Variants in TP63 observed in about 807,000 individuals in gnomAD.
TP63 encodes the protein tumor protein p63.
In TP63, 17 loss-of-function variants were observed where a neutral mutation model predicts 82.8. That is an observed-to-expected ratio of 0.21 (90% CI 0.14 to 0.31). TP63 has a LOEUF of 0.31. TP63 is among the 10% of genes least tolerant of loss of function. The pLI, the probability that TP63 is intolerant of heterozygous loss-of-function variation, is 1.00. For missense variants in TP63, 648 were observed against 895.3 expected (o/e 0.72, Z 3.52); for synonymous variants, 330 against 321.7 (o/e 1.03, Z -0.28).
intron 1 of TP63, among the ~76,000 whole-genome samples, chr3:189,720,964 C>T (rs1719346373): frequency 6.6e-6 from 1 of 152,128 alleles, no homozygotes; most frequent in Non-Finnish European, 1.5e-5. Context: ...GGCCAGAGGG[C>T]CTATTCGTAA....
chr3:189,668,488 G>T (rs184182599), intron 1 of TP63, among the ~76,000 whole-genome samples: 1 of 152,114 alleles, frequency 6.6e-6, no homozygotes, highest in Non-Finnish European at 1.5e-5. Flanking sequence ...CAAAAATGCA[G>T]TAACTAAAAT....
chr3:189,868,949 A>C (rs1718073437), intron 8 of TP63, among the ~76,000 whole-genome samples: 1 of 152,244 alleles, frequency 6.6e-6, no homozygotes, highest in Admixed American at 6.5e-5. Flanking sequence ...AGGGATTCTC[A>C]AAATGTGACT....
intron 3 of TP63, among the ~76,000 whole-genome samples, chr3:189,760,401 C>T (rs1722479235): frequency 6.6e-6 from 1 of 152,134 alleles, no homozygotes; most frequent in Admixed American, 6.5e-5. Context: ...GAGAAATTGG[C>T]CAAAACAAAG....
intron 1 of TP63, among the ~76,000 whole-genome samples, chr3:189,727,295 A>G (rs2108778101): frequency 6.6e-6 from 1 of 152,360 alleles, no homozygotes; most frequent in Admixed American, 6.5e-5. Context: ...AGATTCTATA[A>G]TTGAGAAAAG....
In TP63 at chr3:189,837,187, G is replaced by A. The variant is rs985969137; in HGVS notation, c.580-27045G>A. 2.0e-5 allele frequency among the ~76,000 whole-genome samples: 3 copies of A among 150,564 alleles called. No individual in the cohort carries two copies. The East Asian group carries it at 5.8e-4, about 29-fold the overall frequency. ...TTCCCTTCTGCATGCCCTGTCTCCT[G>A]CTACTTCCTCTGTTCAAAACATTTT... On this transcript the variant is annotated intron_variant, in intron 4 of 13. Transcript: ENST00000264731.
chr3:189,771,476 ATAAT>A lies in TP63; in HGVS notation c.324+32708_324+32711del, dbSNP rs534694437. Reference sequence around the variant, plus strand: ...ATATTAAATATATAATATTTAATATATAATTAATTTATATAATATATAAATATAT... The same window carrying A: ...ATATTAAATATATAATATTTAATATATAATTTATATAATATATAAATATAT... On this transcript the variant is annotated intron_variant, in intron 3 of 13. Coordinates refer to ENST00000264731, the MANE Select transcript of TP63 (RefSeq NM_003722.5). 1.7e-3 allele frequency among the ~76,000 whole-genome samples: 239 copies of A among 142,878 alleles called. 2 individuals are homozygous for A. The highest frequency in any genetic ancestry group is 7.3e-3 in the East Asian group (37 of 5,098). The allele number at this position is 142,878 out of a possible 152,430, so 93.7% of individuals were successfully genotyped here. A position where few individuals can be genotyped will look rare whatever the true frequency, so the allele number is the denominator to read the frequency against.
rs1554131 is a variant in TP63, at chr3:189,886,360, T to G, written c.1350-34T>G. 1,230,014 of 1,606,346 alleles carry G rather than the reference T, an allele frequency of 0.77. 474,367 individuals are homozygous for G. Among genetic ancestry groups the G allele is most frequent in the Middle Eastern group, 0.85 (5,134 of 6,048 alleles). ...AATAGTCCCCACTCTTCAGTGTCCC[T>G]TGCTCACCATTATTTCCATGTTTGT... is the stretch of plus-strand genomic sequence containing the variant. On this transcript the variant is annotated intron_variant, in intron 10 of 13. Transcript: ENST00000264731.
chr3:189,848,095 T>G (rs1247895985), intron 4 of TP63, among the ~76,000 whole-genome samples: 1 of 152,216 alleles, frequency 6.6e-6, no homozygotes, highest in Admixed American at 6.5e-5. Context: ...TGAGAACTTT[T>G]GAGCAAATCT....
At chr3:189,633,001 G>C (rs564931099) in intron 1 of TP63, among the ~76,000 whole-genome samples, 12 of 152,138 alleles carry the variant, frequency 7.9e-5, no homozygotes, top group African/African-American at 2.6e-4. Context: ...CTTGGAACCA[G>C]GGAAGCTTTA....
At chr3:189,630,384 T>G (rs1308012184), upstream of TP63, among the ~76,000 whole-genome samples, 1 of 152,138 alleles carries the variant, frequency 6.6e-6, no homozygotes, top group Non-Finnish European at 1.5e-5. Context: ...CAGGATAAGT[T>G]TACAGCCCAT....
intron 1 of TP63, among the ~76,000 whole-genome samples, chr3:189,643,826 A>G (rs967488998): frequency 3.3e-5 from 5 of 152,126 alleles, no homozygotes; most frequent in Non-Finnish European, 5.9e-5. Flanking sequence ...AAACTATCAT[A>G]TTTTTTAGAC....
intron 4 of TP63, among the ~76,000 whole-genome samples, chr3:189,853,347 G>A (rs753279986): frequency 6.6e-6 from 1 of 152,176 alleles, no homozygotes; most frequent in Non-Finnish European, 1.5e-5. Flanking sequence ...AAGGCCTTGC[G>A]TGATCTGGGC....
chr3:189,895,399 A>G lies in TP63; in HGVS notation c.*897A>G, dbSNP rs35263259. ...AATACCAGATACCTTATCTTACAAT[A>G]TTGATTGGGAAAACATTTGCTGCCA... On this transcript the variant is annotated 3_prime_UTR_variant, in exon 14 of 14. Coordinates refer to ENST00000264731, the MANE Select transcript of TP63 (RefSeq NM_003722.5). The G allele has an allele frequency of 1.6e-3, 349 of 216,944 alleles. 3 individuals are homozygous for G. Among genetic ancestry groups the G allele is most frequent in the African/African-American group, 7.3e-3 (325 of 44,598 alleles). The allele number at this position is 216,944 out of a possible 1,614,324, so 13.4% of individuals were successfully genotyped here.
At chr3:189,598,413 C>A in the TP63 span, among the ~76,000 whole-genome samples, 1 of 151,568 alleles carries the variant, frequency 6.6e-6, no homozygotes, top group South Asian at 2.1e-4. Context: ...AAAGATAAAG[C>A]AATATAGAAA....
At chr3:189,688,004 A>T (rs1267446119) in intron 1 of TP63, among the ~76,000 whole-genome samples, 1 of 152,070 alleles carries the variant, frequency 6.6e-6, no homozygotes, top group Middle Eastern at 3.2e-3. Context: ...TGAAAGAAAA[A>T]AAAAAAACAG....
At chr3:189,712,155 C>T (rs1718640472) in intron 1 of TP63, among the ~76,000 whole-genome samples, 1 of 152,134 alleles carries the variant, frequency 6.6e-6, no homozygotes, top group South Asian at 2.1e-4. Context: ...CACTGAGATA[C>T]AATAATGCAT....
At chr3:189,759,372 T>G (rs1722405847) in intron 3 of TP63, among the ~76,000 whole-genome samples, 1 of 152,144 alleles carries the variant, frequency 6.6e-6, no homozygotes, top group Non-Finnish European at 1.5e-5. Context: ...GAACTCGGGC[T>G]TTGGGAAGTG....
At chr3:189,812,520 A>G (rs1727684840) in intron 4 of TP63, among the ~76,000 whole-genome samples, 1 of 152,226 alleles carries the variant, frequency 6.6e-6, no homozygotes, top group Admixed American at 6.5e-5. Context: ...AGGACAGTTG[A>G]AAGAATGGTA....
chr3:189,753,750 C>G (rs1721989309), intron 3 of TP63, among the ~76,000 whole-genome samples: 1 of 151,962 alleles, frequency 6.6e-6, no homozygotes, highest in Non-Finnish European at 1.5e-5. Context: ...TCTTTTTATA[C>G]TGACTTCTTT....
Sources: gnomAD v4.1 joint callset for allele counts (sites outside exome capture counted in the v4.1 genomes callset) on GRCh38, gnomAD v4.1.1 for gene constraint, MANE v1.5 for transcripts, NCBI Gene and HGNC (gene_info 2026-07-23, HGNC 2026-07-21) for gene names.